Variants in TUBGCP3 observed in about 807,000 individuals in gnomAD.
The protein encoded by TUBGCP3 is gamma-tubulin complex component 3.
TUBGCP3 carries 50 observed loss-of-function variants against 123.1 expected under a neutral mutation model. The observed-to-expected ratio is 0.41, with a 90% CI of 0.32 to 0.51. The LOEUF (loss-of-function observed/expected upper bound fraction) is 0.51. TUBGCP3 is among the 20% of genes least tolerant of loss of function. TUBGCP3 has a pLI of 0.36. For missense variants in TUBGCP3, 882 were observed against 1,127.0 expected, an observed-to-expected ratio of 0.78 and a Z score of 3.11; for synonymous variants, 405 against 413.9, an observed-to-expected ratio of 0.98 and a Z score of 0.26.
At chr13:112,518,523 C>T (rs906570222) in intron 16 of TUBGCP3, among the ~76,000 whole-genome samples, 3 of 152,218 alleles carry the variant, frequency 2.0e-5, no homozygotes, top group Non-Finnish European at 2.9e-5. Flanking sequence ...AATGTGGTAA[C>T]TGTTATGTAG....
In TUBGCP3 at chr13:112,548,141, TTC is replaced by T; in HGVS notation, c.1000_1001del (p.Glu334IlefsTer17). ...FCAALHQELR[E>X]YYRLLSVLHS... ...GTAAAACAGAGAGCAATCGATAGTA[TTC>T]TCTGAGTTCCTGGTGCAAGGCAGCA... On this transcript the variant is annotated frameshift_variant, in exon 9 of 22. Coordinates refer to ENST00000261965, the MANE Select transcript of TUBGCP3 (RefSeq NM_006322.6). LOFTEE classifies it high-confidence loss of function. 1.2e-6 allele frequency: 2 copies of T among 1,605,482 alleles called. No homozygotes were observed. The highest frequency in any genetic ancestry group is 1.7e-6 in the Non-Finnish European group (2 of 1,175,050).
chr13:112,539,250 G>A (rs1248029542), intron 11 of TUBGCP3, among the ~76,000 whole-genome samples: 1 of 152,190 alleles, frequency 6.6e-6, no homozygotes, highest in Non-Finnish European at 1.5e-5. Flanking sequence ...GGAAGGCCCA[G>A]AGAGGTGAAG....
intron 1 of TUBGCP3, 43 bp downstream of exon 1, chr13:112,587,862 C>G: frequency 1.3e-6 from 2 of 1,553,738 alleles, no homozygotes; most frequent in South Asian, 1.2e-5. Context: ...GGGAGCAGCC[C>G]CCGGGACGGG....
At chr13:112,602,402 A>G in the TUBGCP3 span, among the ~76,000 whole-genome samples, 1 of 152,162 alleles carries the variant, frequency 6.6e-6, no homozygotes, top group Non-Finnish European at 1.5e-5. Context: ...TGTCCACCAC[A>G]GAACCTGCAG....
chr13:112,573,048 G>T (rs548706351), intron 1 of TUBGCP3, among the ~76,000 whole-genome samples: 1 of 151,762 alleles, frequency 6.6e-6, no homozygotes, highest in East Asian at 1.9e-4. Context: ...AACAGGTATC[G>T]CCAGATACCT....
chr13:112,521,553 T>C (rs146051174), intron 14 of TUBGCP3: 1 of 485,466 alleles, frequency 2.1e-6, no homozygotes, highest in East Asian at 1.5e-4. Context: ...TTCTAGTCTG[T>C]GATACACTGA....
rs1175590543 is a variant in TUBGCP3 at position 112,524,632 on chromosome 13, C to CA, written c.1556-2124dup. On this transcript the variant is annotated intron_variant, in intron 13 of 21. Transcript: ENST00000261965. This position sits in a 1 kb window ranked among gnomAD's most constrained non-coding sequence, Gnocchi z 4.4. ...AATCTGGGGTCTATGTACCCCCCCA[C>CA]AAAAAAATACATGTAAAATTATGTC... is the stretch of plus-strand genomic sequence containing the variant. Among the ~76,000 whole-genome samples, 3 of 152,048 alleles carry CA rather than the reference C, an allele frequency of 2.0e-5. No individual in the cohort carries two copies. Among genetic ancestry groups the CA allele is most frequent in the Admixed American group, 2.0e-4 (3 of 15,270 alleles).
chr13:112,590,198 G>C (rs550630873), upstream of TUBGCP3, among the ~76,000 whole-genome samples: 1 of 151,984 alleles, frequency 6.6e-6, no homozygotes, highest in Non-Finnish European at 1.5e-5. Flanking sequence ...GAATGGTCTC[G>C]ATCTCCTGAC....
rs138967021 is a variant in TUBGCP3 at position 112,516,374 on chromosome 13, C to T, written c.2086+66G>A. 554 of 1,445,672 alleles carry T rather than the reference C, an allele frequency of 3.8e-4. 2 individuals carry two copies. The Middle Eastern group carries it at 5.3e-3, about 14-fold the overall frequency. The allele number at this position is 1,445,672 out of a possible 1,614,324, so 89.6% of individuals were successfully genotyped here. On this transcript the variant is annotated intron_variant, in intron 17 of 21. Coordinates refer to ENST00000261965, the MANE Select transcript of TUBGCP3 (RefSeq NM_006322.6). ...TAACTTCTGCGGAGTTGCTGGAAAC[C>T]GCACCCAGTGGGGGCTGGAGGCCGC...
upstream of TUBGCP3, among the ~76,000 whole-genome samples, chr13:112,591,042 A>G (rs575030873): frequency 4.7e-4 from 71 of 152,366 alleles, no homozygotes; most frequent in African/African-American, 1.6e-3. Context: ...TTAGTAAAAG[A>G]TTCTTTCCAC....
At position 112,519,746 on chromosome 13, in the gene TUBGCP3, T is replaced by G; in HGVS notation, c.1881+140A>C. ...GGCAGTAACAAGCCACAGAGTGGAG[T>G]TCCTACTCAGGCTGCCCAGTTTCCA... On this transcript the variant is annotated intron_variant, in intron 15 of 21. Transcript: ENST00000261965. The surrounding 1 kb of genome is among the most constrained non-coding windows in gnomAD (Gnocchi z 6.2). 1.8e-6 allele frequency: 2 copies of G among 1,120,224 alleles called. No homozygotes were observed. The highest frequency in any genetic ancestry group is 2.0e-5 in the South Asian group (1 of 51,092). 69.4% of individuals were successfully genotyped at this position (1,120,224 alleles called of 1,614,324 possible). A position where few individuals can be genotyped will look rare whatever the true frequency, so the allele number is the denominator to read the frequency against.
chr13:112,559,810 T>C (rs1209173275), intron 3 of TUBGCP3, among the ~76,000 whole-genome samples: 3 of 152,224 alleles, frequency 2.0e-5, no homozygotes, highest in Admixed American at 1.3e-4. Context: ...AAGCACAAGT[T>C]AGTCTCAGCA....
chr13:112,590,354 A>C (rs1011522137), upstream of TUBGCP3, among the ~76,000 whole-genome samples: 1 of 152,168 alleles, frequency 6.6e-6, no homozygotes, highest in African/African-American at 2.4e-5. Flanking sequence ...GAGGAGAACA[A>C]TGTTGTCGGA....
intron 1 of TUBGCP3, among the ~76,000 whole-genome samples, chr13:112,583,671 T>C (rs1882419856): frequency 6.6e-6 from 1 of 152,220 alleles, no homozygotes; most frequent in Admixed American, 6.5e-5. Flanking sequence ...TGTGTGTTTC[T>C]CAAGATTCAA....
chr13:112,492,304 CACT>C (rs1880148491), intron 20 of TUBGCP3, among the ~76,000 whole-genome samples: 1 of 152,228 alleles, frequency 6.6e-6, no homozygotes, highest in African/African-American at 2.4e-5. Flanking sequence ...ACAATATTTA[CACT>C]ACTTCCCATC....
At chr13:112,574,506 A>C (rs1362547799) in intron 1 of TUBGCP3, among the ~76,000 whole-genome samples, 2 of 152,272 alleles carry the variant, frequency 1.3e-5, no homozygotes, top group African/African-American at 4.8e-5. Context: ...TTTAAGGAAG[A>C]TATAAACAAA....
rs374079428 is a variant in TUBGCP3 at position 112,545,648 on chromosome 13, C to G, written c.1335+51G>C. On this transcript the variant is annotated intron_variant, in intron 11 of 21. Transcript: ENST00000261965. This position sits in a 1 kb window ranked among gnomAD's most constrained non-coding sequence, Gnocchi z 4.1. ...GGGGAAAAATGAAACAGCATAACTG[C>G]GTGCCCATGCTTTTTAAATCCAAGT... 5 of 1,593,324 alleles carry G rather than the reference C, an allele frequency of 3.1e-6. No individual in the cohort carries two copies. The highest frequency in any genetic ancestry group is 4.3e-6 in the Non-Finnish European group (5 of 1,162,470).
intron 5 of TUBGCP3, among the ~76,000 whole-genome samples, chr13:112,556,766 T>C (rs939140478): frequency 2.0e-5 from 3 of 152,328 alleles, no homozygotes; most frequent in East Asian, 3.9e-4. Flanking sequence ...ACGTATAAAA[T>C]CTAAGGCAAA....
chr13:112,489,761 C>A, intron 20 of TUBGCP3, 64 bp from the exon 21 acceptor site: 1 of 1,372,090 alleles, frequency 7.3e-7, no homozygotes, highest in Non-Finnish European at 1.0e-6. Context: ...CAGAGTAGGG[C>A]TGAAAACAGG....
Sources: gnomAD v4.1 joint callset for allele counts (sites outside exome capture counted in the v4.1 genomes callset) on GRCh38, gnomAD v4.1.1 for gene constraint, Gnocchi (gnomAD v3.1) non-coding constraint, MANE v1.5 for transcripts, NCBI Gene and HGNC (gene_info 2026-07-23, HGNC 2026-07-21) for gene names.